Variants in SYT1 observed in about 807,000 individuals in gnomAD.
The protein encoded by SYT1 is synaptotagmin 1.
A neutral mutation model predicts 44.8 loss-of-function variants in SYT1; 8 were observed. The observed-to-expected ratio is 0.18, with a 90% CI of 0.10 to 0.32. The LOEUF (loss-of-function observed/expected upper bound fraction) is 0.32. Among genes scored for constraint, SYT1 ranks in the 10% least tolerant of loss-of-function variants. The pLI, the probability that SYT1 is intolerant of heterozygous loss-of-function variation, is 1.00. For synonymous variants in SYT1, 154 were observed against 188.8 expected (o/e 0.82, Z 1.51); for missense variants, 286 against 509.3 (o/e 0.56, Z 4.22).
chr12:78,866,659 C>T (rs1873561056), intron 1 of SYT1, among the ~76,000 whole-genome samples: 2 of 152,086 alleles, frequency 1.3e-5, no homozygotes, highest in Admixed American at 6.5e-5. Flanking sequence ...AGAAATGCCT[C>T]GTTTGATGTA....
chr12:79,244,218 A>T (rs1876687294), intron 4 of SYT1, among the ~76,000 whole-genome samples: 1 of 152,160 alleles, frequency 6.6e-6, no homozygotes, highest in African/African-American at 2.4e-5. Context: ...TACCTTCATC[A>T]CTATCATTGG....
At chr12:79,282,004 A>G (rs1879077897) in intron 4 of SYT1, among the ~76,000 whole-genome samples, 1 of 152,158 alleles carries the variant, frequency 6.6e-6, no homozygotes, top group Admixed American at 6.6e-5. Context: ...TCCTTGGCTC[A>G]TGGTCCCTTT....
intron 1 of SYT1, among the ~76,000 whole-genome samples, chr12:78,908,799 A>G (rs2137120009): frequency 6.6e-6 from 1 of 152,052 alleles, no homozygotes; most frequent in South Asian, 2.1e-4. Flanking sequence ...AAGTCATGAC[A>G]TGTCCAGGTT....
At chr12:78,983,779 A>T (rs1347573530) in intron 2 of SYT1, among the ~76,000 whole-genome samples, 1 of 152,144 alleles carries the variant, frequency 6.6e-6, no homozygotes, top group African/African-American at 2.4e-5. Flanking sequence ...GTTACTGCTA[A>T]GAAGAATAGC....
chr12:78,991,898 C>T (rs993901729), intron 2 of SYT1, among the ~76,000 whole-genome samples: 1 of 152,120 alleles, frequency 6.6e-6, no homozygotes, highest in Non-Finnish European at 1.5e-5. Flanking sequence ...AAAGACTGAT[C>T]ATTTTGTAAT....
intron 9 of SYT1, among the ~76,000 whole-genome samples, chr12:79,391,995 C>G (rs1815334663): frequency 6.6e-6 from 1 of 152,014 alleles, no homozygotes; most frequent in East Asian, 1.9e-4. Flanking sequence ...AAAAATGTGC[C>G]ACATCCACAC....
rs533867243 is a variant in SYT1 at position 79,100,915 on chromosome 12, A to G, written c.-18+53553A>G. Among the ~76,000 whole-genome samples, 3 of 152,268 alleles carry G rather than the reference A, an allele frequency of 2.0e-5. No homozygotes were observed. In the East Asian group the frequency reaches 5.8e-4, roughly 29 times the overall value. ...TATATTATGTTTAGGTGCTCTGTGA[A>G]GAAAAAAATGCAAACCACATTGTGG... On this transcript the variant is annotated intron_variant, in intron 3 of 10. Coordinates refer to ENST00000261205, the MANE Select transcript of SYT1 (RefSeq NM_005639.3).
chr12:78,907,236 T>C (rs74842690), intron 1 of SYT1, among the ~76,000 whole-genome samples: 22 of 152,088 alleles, frequency 1.4e-4, no homozygotes, highest in East Asian at 7.8e-4. Context: ...AAGCAGACAA[T>C]TGAATCTTAA....
chr12:79,374,539 C>T (rs1593011716), intron 9 of SYT1, among the ~76,000 whole-genome samples: 1 of 151,960 alleles, frequency 6.6e-6, no homozygotes, highest in Non-Finnish European at 1.5e-5. Context: ...AAAATAATGC[C>T]GGGTTTTAAA....
At chr12:79,201,422 T>C (rs1873778456) in intron 3 of SYT1, among the ~76,000 whole-genome samples, 1 of 152,158 alleles carries the variant, frequency 6.6e-6, no homozygotes. Context: ...CAGTTCTGTG[T>C]AAGTCAAATC....
intron 9 of SYT1, among the ~76,000 whole-genome samples, chr12:79,412,340 AATATAC>A (rs2136136828): frequency 6.6e-6 from 1 of 152,226 alleles, no homozygotes; most frequent in East Asian, 1.9e-4. Context: ...CCTATAAGGT[AATATAC>A]CAGTTAAACT....
chr12:79,402,226 C>A (rs916706421), intron 9 of SYT1, among the ~76,000 whole-genome samples: 1 of 152,144 alleles, frequency 6.6e-6, no homozygotes, highest in African/African-American at 2.4e-5. Flanking sequence ...ACGCAAACCT[C>A]TAGGGAACAG....
At chr12:79,384,814 A>G (rs774978482) in intron 9 of SYT1, among the ~76,000 whole-genome samples, 25 of 152,274 alleles carry the variant, frequency 1.6e-4, no homozygotes, top group Non-Finnish European at 3.1e-4. Context: ...ATTATATGAT[A>G]GGTTTGGTTG....
chr12:78,986,432 T>G (rs937222364), intron 2 of SYT1, among the ~76,000 whole-genome samples: 4 of 151,914 alleles, frequency 2.6e-5, no homozygotes, highest in Admixed American at 1.3e-4. Flanking sequence ...ATGGTTACAA[T>G]TTTTGCAGTG....
chr12:78,938,927 T>G (rs867687678), intron 1 of SYT1, among the ~76,000 whole-genome samples: 2 of 152,292 alleles, frequency 1.3e-5, no homozygotes, highest in South Asian at 4.1e-4. Flanking sequence ...AGTTGGATAG[T>G]ATTTCAACTA....
intron 1 of SYT1, among the ~76,000 whole-genome samples, chr12:78,964,626 G>A (rs563639306): frequency 1.3e-5 from 2 of 151,696 alleles, no homozygotes; most frequent in South Asian, 4.2e-4. Context: ...GCTCTAAAGT[G>A]TTATAAAACT....
At chr12:79,209,653 G>C (rs756887225) in intron 3 of SYT1, among the ~76,000 whole-genome samples, 18 of 152,198 alleles carry the variant, frequency 1.2e-4, no homozygotes, top group Non-Finnish European at 2.5e-4. Flanking sequence ...CTCCCTGGCT[G>C]TGAGCAATCA....
At chr12:78,907,621 C>A (rs1876068331) in intron 1 of SYT1, among the ~76,000 whole-genome samples, 1 of 151,974 alleles carries the variant, frequency 6.6e-6, no homozygotes, top group Admixed American at 6.6e-5. Flanking sequence ...ACACTAAATT[C>A]TTCTCTTATG....
intron 3 of SYT1, among the ~76,000 whole-genome samples, chr12:79,115,462 AAAC>A (rs1262982148): frequency 6.6e-6 from 1 of 152,222 alleles, no homozygotes; most frequent in Non-Finnish European, 1.5e-5. Flanking sequence ...AGCAATACAT[AAAC>A]AACAAATTTT....
Sources: gnomAD v4.1 joint callset for allele counts (sites outside exome capture counted in the v4.1 genomes callset) on GRCh38, gnomAD v4.1.1 for gene constraint, MANE v1.5 for transcripts, NCBI Gene and HGNC (gene_info 2026-07-23, HGNC 2026-07-21) for gene names.